BOD1L1: variants seen among roughly 807,000 people sequenced by gnomAD.
The protein encoded by BOD1L1 is biorientation of chromosomes in cell division 1 like 1, also known as biorientation of chromosomes in cell division protein 1-like 1.
Under a neutral mutation model 240.7 loss-of-function variants are expected in BOD1L1, and 86 were observed. That is an observed-to-expected ratio of 0.36 (90% confidence interval 0.30 to 0.43). BOD1L1 has a LOEUF of 0.43. Ranked by LOEUF, BOD1L1 falls within the 20% of genes least tolerant of loss-of-function variation. BOD1L1 has a pLI of 1.00. For synonymous variants in BOD1L1, 1,268 were observed against 1,272.3 expected (o/e 1.00, Z 0.07); for missense variants, 3,554 against 3,643.5 (o/e 0.98, Z 0.63).
intron 21 of BOD1L1, 59 bp from the exon 22 acceptor site, chr4:13,580,032 T>G: frequency 8.3e-7 from 1 of 1,211,228 alleles, no homozygotes; most frequent in Non-Finnish European, 1.2e-6. Context: ...AATCATCACA[T>G]AGAAATGCAA....
rs770424524 is a variant in BOD1L1, at chr4:13,600,086, C to T, written c.6814G>A (p.Val2272Ile). The T allele has an allele frequency of 2.4e-5, 39 of 1,613,646 alleles. 2 individuals carry two copies. The highest frequency in any genetic ancestry group is 2.8e-5 in the Non-Finnish European group (33 of 1,179,776). The change falls in exon 10 of 26, where the codon GTC (valine) becomes ATC (isoleucine). Residue 2272 changes from valine (V) to isoleucine (I), a missense_variant. Transcript: ENST00000040738. ...GAGGGGTCGCCTTCCTCTTGAGGGACAGCACTGGACACTGGGCCCTCACAG... is the reference window on the plus strand; with the variant it reads ...GAGGGGTCGCCTTCCTCTTGAGGGATAGCACTGGACACTGGGCCCTCACAG... ...EDCEGPVSSA[V>I]PQEEGDPSVT... is the part of the protein sequence containing the mutation.
At chr4:13,570,940 T>A (rs1037681402) in intron 25 of BOD1L1, among the ~76,000 whole-genome samples, 2 of 152,226 alleles carry the variant, frequency 1.3e-5, no homozygotes, top group South Asian at 4.1e-4. Flanking sequence ...TTGTGATTCA[T>A]CTGCTGTGTT....
At chr4:13,610,313 T>C (rs1716056931) in intron 6 of BOD1L1, among the ~76,000 whole-genome samples, 1 of 152,220 alleles carries the variant, frequency 6.6e-6, no homozygotes. Context: ...AATAGTATGT[T>C]AATAGCTGCA....
chr4:13,581,738 G>A (rs968639227), intron 19 of BOD1L1, among the ~76,000 whole-genome samples: 1 of 152,316 alleles, frequency 6.6e-6, no homozygotes, highest in Middle Eastern at 3.4e-3. Context: ...AAATCTATGG[G>A]CTTACAGCAG....
chr4:13,597,991 G>T (rs1284149761), intron 10 of BOD1L1, among the ~76,000 whole-genome samples: 1 of 152,176 alleles, frequency 6.6e-6, no homozygotes, highest in Non-Finnish European at 1.5e-5. Context: ...TATAGCCAGA[G>T]TGGAAAAGAA....
Position 13,611,005 on chromosome 4 carries a change from G to T in BOD1L1, c.1420C>A (p.Pro474Thr). 2 of 1,612,528 alleles carry T rather than the reference G, an allele frequency of 1.2e-6. No homozygotes were observed. Among genetic ancestry groups the T allele is most frequent in the Non-Finnish European group, 1.7e-6 (2 of 1,178,938 alleles). Reference protein sequence around the residue: ...KSVRHAYVHKPYLYSKYYSDS... With the variant: ...KSVRHAYVHKTYLYSKYYSDS... ...CTATAGTATTTTGAGTAAAGATATG[G>T]TTTGTGGACATACGCATGCCGTACA... Residue 474 changes from proline to threonine, a missense_variant, in exon 6 of 26, where the codon CCA becomes ACA. This residue lies in a region of BOD1L1 where 3,393 missense variants were observed against 3,427.1 expected (regional missense o/e 0.99). Transcript: ENST00000040738.
intron 8 of BOD1L1, 131 bp downstream of exon 8, chr4:13,608,399 C>G: frequency 1.4e-6 from 1 of 738,888 alleles, no homozygotes; most frequent in Non-Finnish European, 2.0e-6. Flanking sequence ...ATATGAAACC[C>G]TAAGGTCCTT....
At chr4:13,592,844 A>C (rs1002620453) in intron 12 of BOD1L1, 1 of 152,236 alleles carries the variant, frequency 6.6e-6, no homozygotes, top group Non-Finnish European at 1.5e-5. Context: ...GTGAGGATTT[A>C]TATGCACTAT....
chr4:13,614,078 A>C (rs1716382558), intron 4 of BOD1L1, 118 bp downstream of exon 4: 4 of 927,974 alleles, frequency 4.3e-6, no homozygotes, highest in South Asian at 2.1e-5. Context: ...CAAAGGGGAT[A>C]TAAGTTTCCA....
chr4:13,590,521 GTAATTTACATAACCTGGC>G (rs1288475520), intron 13 of BOD1L1, 75 bp from the exon 14 acceptor site: 1 of 699,152 alleles, frequency 1.4e-6, no homozygotes, highest in Non-Finnish European at 2.3e-6. Flanking sequence ...AAGAGAGAAG[GTAATTTACATAACCTGGC>G]TATTTGTACA....
At chr4:13,574,816 T>C (rs1712550594) in intron 25 of BOD1L1, among the ~76,000 whole-genome samples, 2 of 152,208 alleles carry the variant, frequency 1.3e-5, no homozygotes, top group Non-Finnish European at 2.9e-5. Flanking sequence ...GTCCTTTGGC[T>C]CTAAAATCTG....
chr4:13,616,258 G>A (rs1408309305), intron 2 of BOD1L1, among the ~76,000 whole-genome samples: 1 of 152,152 alleles, frequency 6.6e-6, no homozygotes, highest in African/African-American at 2.4e-5. Context: ...TAGGAAAAGA[G>A]AGGAGTAAGA....
Position 13,601,663 on chromosome 4 carries a change from C to A in BOD1L1, c.5237G>T (p.Gly1746Val). Reference protein sequence around the residue: ...SDNFVICSVTGAGPREERMVT... With the variant: ...SDNFVICSVTVAGPREERMVT... ...CATGCGTTCCTCCCGGGGCCCTGCT[C>A]CAGTTACTGAGCAGATCACAAAGTT... is the stretch of plus-strand genomic sequence containing the variant. The change falls in exon 10 of 26, where the codon GGA becomes GTA. Residue 1746 changes from glycine (G) to valine (V), a missense_variant. Around this residue, in one of 2 missense-constraint regions of BOD1L1, gnomAD observed 3,393 missense variants for 3,427.1 expected, o/e 0.99. Coordinates refer to ENST00000040738, the MANE Select transcript of BOD1L1 (RefSeq NM_148894.3). 1 of 1,613,984 alleles carries A rather than the reference C, an allele frequency of 6.2e-7. No homozygotes were observed. Among genetic ancestry groups the A allele is most frequent in the Non-Finnish European group, 8.5e-7 (1 of 1,179,886 alleles).
rs1378011446 is a variant in BOD1L1, at chr4:13,599,517, C to G, written c.7383G>C (p.Glu2461Asp). The G allele has an allele frequency of 6.2e-7, 1 of 1,614,048 alleles. No homozygotes were observed. ...ESTLHLINAE[E>D]KNVLLNSLQK... ...GAAGGGAGTTCAACAATACATTCTTCTCTTCTGCATTTATGAGGTGTAAAG... is the reference window on the plus strand; with the variant it reads ...GAAGGGAGTTCAACAATACATTCTTGTCTTCTGCATTTATGAGGTGTAAAG... Residue 2461 changes from glutamate to aspartate, a missense_variant, in exon 10 of 26, where the codon GAG (glutamate) becomes GAC (aspartate). By Grantham distance (45) the Glu-to-Asp change is conservative. Around this residue, in one of 2 missense-constraint regions of BOD1L1, gnomAD observed 3,393 missense variants for 3,427.1 expected, o/e 0.99. Transcript: ENST00000040738.
In BOD1L1 at chr4:13,613,047, T is replaced by C. The variant is rs919124206; in HGVS notation, c.1324+465A>G. Among the ~76,000 whole-genome samples the C allele has an allele frequency of 3.3e-5, 5 of 152,212 alleles. No individual in the cohort carries two copies. Among genetic ancestry groups the C allele is most frequent in the Non-Finnish European group, 4.4e-5 (3 of 68,032 alleles). The stretch of plus-strand genomic sequence containing the variant: ...CCTCTTCCCTTGGCTGATTTTAATC[T>C]GAGCACCTTAACTGTAAACAACCAT... On this transcript the variant is annotated intron_variant, in intron 5 of 25. Coordinates refer to ENST00000040738, the MANE Select transcript of BOD1L1 (RefSeq NM_148894.3). The surrounding 1 kb of genome is among the most constrained non-coding windows in gnomAD (Gnocchi z 4.0).
chr4:13,616,867 C>T (rs1417674538), intron 2 of BOD1L1, among the ~76,000 whole-genome samples: 1 of 152,070 alleles, frequency 6.6e-6, no homozygotes, highest in Non-Finnish European at 1.5e-5. Context: ...AACACTGTTA[C>T]ATCTTAGAGG....
rs1475797903 is a variant in BOD1L1, at chr4:13,603,139, T to C, written c.3761A>G (p.Lys1254Arg). 1.9e-6 allele frequency: 3 copies of C among 1,613,960 alleles called. No homozygotes were observed. The highest frequency in any genetic ancestry group is 1.7e-6 in the Non-Finnish European group (2 of 1,179,912). ...TTCAGCAGCTGTGTTTTTCAAATTC[T>C]TCTGTACCCTATCATTTTCTGATGG... ...SAPSENDRVQ[K>R]NLKNTAAEEH... Residue 1254 changes from lysine to arginine, a missense_variant, in exon 10 of 26, where the codon AAG becomes AGG. By Grantham distance (26) the Lys-to-Arg change is conservative (BLOSUM62 2). Transcript: ENST00000040738.
intron 24 of BOD1L1, 49 bp from the exon 25 acceptor site, chr4:13,577,040 C>T (rs1367569352): frequency 5.0e-6 from 8 of 1,592,192 alleles, no homozygotes; most frequent in East Asian, 4.5e-5. Context: ...CCCAAAGATA[C>T]TTCCAAGAGA....
chr4:13,573,869 G>C (rs933478627), intron 25 of BOD1L1, among the ~76,000 whole-genome samples: 9 of 151,904 alleles, frequency 5.9e-5, no homozygotes, highest in Non-Finnish European at 1.0e-4. Context: ...TTTTAAGAGG[G>C]TCTTGCTATG....
Sources: gnomAD v4.1 joint callset for allele counts (sites outside exome capture counted in the v4.1 genomes callset) on GRCh38, gnomAD v4.1.1 for gene constraint, gnomAD v4.1.1 regional missense constraint, Gnocchi (gnomAD v3.1) non-coding constraint, MANE v1.5 for transcripts, NCBI Gene and HGNC (gene_info 2026-07-23, HGNC 2026-07-21) for gene names.